The following ZNF280D variants were observed in gnomAD, a reference collection of about 807,000 sequenced individuals.
ZNF280D encodes zinc finger protein 280D.
ZNF280D carries 39 observed loss-of-function variants against 94.7 expected under a neutral mutation model. The observed-to-expected ratio is 0.41, with a 90% confidence interval of 0.32 to 0.54. The LOEUF is 0.54. ZNF280D is among the 20% of genes least tolerant of loss of function. The probability of loss-of-function intolerance (pLI) is 0.22; values close to 1 mark genes in which losing one functional copy is unlikely to be tolerated. For missense variants in ZNF280D, 1,090 were observed against 1,149.3 expected (o/e 0.95, Z 0.75); for synonymous variants, 398 against 377.6 (o/e 1.05, Z -0.63).
intron 13 of ZNF280D, among the ~76,000 whole-genome samples, chr15:56,676,386 C>A (rs1482312248): frequency 6.6e-6 from 1 of 152,098 alleles, no homozygotes; most frequent in East Asian, 1.9e-4. Flanking sequence ...AATATTCAAT[C>A]TTTTGGATAT....
At chr15:56,717,484 G>C (rs2058107701) in intron 1 of ZNF280D, among the ~76,000 whole-genome samples, 1 of 152,030 alleles carries the variant, frequency 6.6e-6, no homozygotes, top group Non-Finnish European at 1.5e-5. Context: ...TACTTGTTTT[G>C]AGCAAACTAG....
chr15:56,665,128 T>G (rs1359454517), intron 16 of ZNF280D, among the ~76,000 whole-genome samples: 1 of 152,078 alleles, frequency 6.6e-6, no homozygotes. Flanking sequence ...AGGCCAACCA[T>G]GAAGACATGG....
At chr15:56,673,636 T>C (rs1253689123) in intron 13 of ZNF280D, among the ~76,000 whole-genome samples, 1 of 152,002 alleles carries the variant, frequency 6.6e-6, no homozygotes, top group Non-Finnish European at 1.5e-5. Context: ...CTTTCCAAAG[T>C]CTTGGCTGTG....
intron 7 of ZNF280D, among the ~76,000 whole-genome samples, chr15:56,692,224 C>G (rs1172298590): frequency 6.6e-6 from 1 of 151,706 alleles, no homozygotes; most frequent in Non-Finnish European, 1.5e-5. Context: ...GTAAGTGACA[C>G]CCAGAGAGGT....
At chr15:56,723,463 G>A (rs1463779941) in intron 1 of ZNF280D, among the ~76,000 whole-genome samples, 1 of 152,162 alleles carries the variant, frequency 6.6e-6, no homozygotes, top group Non-Finnish European at 1.5e-5. Context: ...AGTGTTGACA[G>A]TTGTACAACA....
At position 56,652,639 on chromosome 15, in the gene ZNF280D, T is replaced by C. The variant is rs1291394974; in HGVS notation, c.2213+1559A>G. On this transcript the variant is annotated intron_variant, in intron 19 of 21. Coordinates refer to ENST00000267807, the MANE Select transcript of ZNF280D (RefSeq NM_017661.4). The stretch of plus-strand genomic sequence containing the variant: ...CACCATATGTATGTTTTTTAACATG[T>C]TACCTTTACCCAAAGGAGCTACATT... 6 of 985,170 alleles carry C rather than the reference T, an allele frequency of 6.1e-6. No individual in the cohort carries two copies. In the African/African-American group the frequency reaches 1.0e-4, roughly 17 times the overall value. 61.0% of individuals were successfully genotyped at this position (985,170 alleles called of 1,614,324 possible). A position where few individuals can be genotyped will look rare whatever the true frequency, so the allele number is the denominator to read the frequency against.
intron 1 of ZNF280D, among the ~76,000 whole-genome samples, chr15:56,730,867 A>T (rs1252836951): frequency 6.6e-6 from 1 of 152,204 alleles, no homozygotes; most frequent in East Asian, 1.9e-4. Flanking sequence ...TAATGCCAAA[A>T]TATCACACCA....
rs1170286894 is a variant in ZNF280D, at chr15:56,700,668, A to G, written c.381+265T>C. ...AATATTTATGGCTGACTATAATTTTATTCACATTTTGATAGTATAGTTTTC... is the reference window on the plus strand; with the variant it reads ...AATATTTATGGCTGACTATAATTTTGTTCACATTTTGATAGTATAGTTTTC... On this transcript the variant is annotated intron_variant, in intron 6 of 21. Transcript: ENST00000267807. The G allele has an allele frequency of 2.2e-6, 3 of 1,388,158 alleles. No homozygotes were observed. In the African/African-American group the frequency reaches 4.4e-5, roughly 20 times the overall value. The allele number at this position is 1,388,158 out of a possible 1,614,324, so 86.0% of individuals were successfully genotyped here.
At chr15:56,709,136 T>C (rs1188241163) in intron 1 of ZNF280D, among the ~76,000 whole-genome samples, 1 of 152,088 alleles carries the variant, frequency 6.6e-6, no homozygotes, top group Admixed American at 6.5e-5. Context: ...ATCCAGAATC[T>C]ACAAAGAACT....
rs1379702541 is a variant in ZNF280D at position 56,630,796 on chromosome 15, T to C, written c.*702A>G. The C allele has an allele frequency of 6.6e-6, 1 of 152,210 alleles. No individual in the cohort carries two copies. Among genetic ancestry groups the C allele is most frequent in the East Asian group, 1.9e-4 (1 of 5,210 alleles). The allele number at this position is 152,210 out of a possible 1,614,324, so 9.4% of individuals were successfully genotyped here. On this transcript the variant is annotated 3_prime_UTR_variant, in exon 22 of 22. Transcript: ENST00000267807. ...CAAAAAGCACAAATATAAATTTATA[T>C]CTTAATAATTCCACTTTCACTGAAA...
chr15:56,646,916 A>G (rs2052921669), intron 19 of ZNF280D, among the ~76,000 whole-genome samples: 1 of 152,106 alleles, frequency 6.6e-6, no homozygotes, highest in Non-Finnish European at 1.5e-5. Context: ...AGAAGTATGA[A>G]ACAGAGAAAG....
At chr15:56,700,141 T>G in intron 6 of ZNF280D, 1 of 968,406 alleles carries the variant, frequency 1.0e-6, no homozygotes, top group South Asian at 4.8e-5. Context: ...ATCTGAGAAC[T>G]GTTCAACTAA....
intron 13 of ZNF280D, among the ~76,000 whole-genome samples, chr15:56,670,700 A>G (rs1419054182): frequency 2.6e-5 from 4 of 152,094 alleles, no homozygotes; most frequent in Non-Finnish European, 5.9e-5. Context: ...TTGGGTATAT[A>G]CCCAGCAATG....
intron 21 of ZNF280D, among the ~76,000 whole-genome samples, chr15:56,632,585 T>G (rs2052137500): frequency 6.7e-6 from 1 of 149,272 alleles, no homozygotes. Flanking sequence ...AGCTTTGACC[T>G]CCTGGGCTCA....
chr15:56,703,842 G>A lies in ZNF280D; in HGVS notation c.175+279C>T, dbSNP rs887662967. Among the ~76,000 whole-genome samples the A allele has an allele frequency of 5.5e-5, 8 of 145,986 alleles. No individual in the cohort carries two copies. The Admixed American group carries it at 5.7e-4, about 10-fold the overall frequency. ...GCACTCCAGACTAGCGACAGAGTGA[G>A]ACCCTGTCTCAAAATAAATAAATAA... On this transcript the variant is annotated intron_variant, in intron 4 of 21. Coordinates refer to ENST00000267807, the MANE Select transcript of ZNF280D (RefSeq NM_017661.4).
intron 6 of ZNF280D, among the ~76,000 whole-genome samples, chr15:56,694,276 A>T (rs1334103986): frequency 2.0e-5 from 3 of 147,778 alleles, no homozygotes; most frequent in East Asian, 2.0e-4. Context: ...ATTATTATAC[A>T]TTAAATATAA....
chr15:56,660,642 T>G (rs1363580658), intron 16 of ZNF280D, among the ~76,000 whole-genome samples: 1 of 152,126 alleles, frequency 6.6e-6, no homozygotes, highest in East Asian at 1.9e-4. Flanking sequence ...GGTTTTTTAT[T>G]ACAATATAGT....
At chr15:56,680,931 T>C (rs1048130281) in intron 10 of ZNF280D, among the ~76,000 whole-genome samples, 39 of 152,332 alleles carry the variant, frequency 2.6e-4, no homozygotes, top group African/African-American at 8.7e-4. Context: ...GATTTCCCGA[T>C]GTTGGCATGA....
At chr15:56,692,808 T>C (rs563481780) in intron 7 of ZNF280D, among the ~76,000 whole-genome samples, 2 of 152,252 alleles carry the variant, frequency 1.3e-5, no homozygotes, top group African/African-American at 4.8e-5. Context: ...TGAGAAGTTC[T>C]CTAACTCACA....
Sources: gnomAD v4.1 joint callset for allele counts (sites outside exome capture counted in the v4.1 genomes callset) on GRCh38, gnomAD v4.1.1 for gene constraint, MANE v1.5 for transcripts, NCBI Gene and HGNC (gene_info 2026-07-23, HGNC 2026-07-21) for gene names.